The following CDYL variants were observed in gnomAD, a reference collection of about 807,000 sequenced individuals.
CDYL encodes chromodomain Y like, also known as chromodomain Y-like protein.
CDYL carries 8 observed loss-of-function variants against 47.3 expected under a neutral mutation model. The observed-to-expected ratio is 0.17, with a 90% CI of 0.10 to 0.31. The LOEUF (loss-of-function observed/expected upper bound fraction) is 0.31. CDYL is among the 10% of genes least tolerant of loss of function. The probability of loss-of-function intolerance (pLI) is 1.00; values close to 1 mark genes in which losing one functional copy is unlikely to be tolerated. For synonymous variants in CDYL, 266 were observed against 265.0 expected (o/e 1.00, Z -0.04); for missense variants, 471 against 701.4 (o/e 0.67, Z 3.71).
chr6:4,724,784 C>T (rs939726034), intron 2 of CDYL: 1 of 152,126 alleles, frequency 6.6e-6, no homozygotes, highest in Admixed American at 6.5e-5. Flanking sequence ...CTACAACTCA[C>T]AAAAGCAGTG....
chr6:4,909,073 C>G (rs760960741), intron 2 of CDYL, among the ~76,000 whole-genome samples: 1 of 152,204 alleles, frequency 6.6e-6, no homozygotes. Context: ...GGCCCCAGGT[C>G]ATAAGATGGT....
chr6:4,843,775 G>C (rs1311908623), intron 1 of CDYL, among the ~76,000 whole-genome samples: 11 of 151,850 alleles, frequency 7.2e-5, no homozygotes. Flanking sequence ...ACCATTCTCT[G>C]GTGCCTCCTT....
chr6:4,712,630 A>C (rs779523040), intron 1 of CDYL, among the ~76,000 whole-genome samples: 1 of 152,216 alleles, frequency 6.6e-6, no homozygotes, highest in South Asian at 2.1e-4. Flanking sequence ...GATATTCACT[A>C]TCACGTATAC....
At chr6:4,801,717 G>A (rs1311537402) in intron 1 of CDYL, among the ~76,000 whole-genome samples, 2 of 152,054 alleles carry the variant, frequency 1.3e-5, no homozygotes, top group Non-Finnish European at 2.9e-5. Context: ...CTTTATTCTG[G>A]GGATTCCCCT....
intron 1 of CDYL, among the ~76,000 whole-genome samples, chr6:4,852,243 G>T (rs1197083091): frequency 6.6e-6 from 1 of 152,192 alleles, no homozygotes; most frequent in African/African-American, 2.4e-5. Flanking sequence ...TTACCAGGTG[G>T]AACTATTTTG....
At chr6:4,755,352 T>C (rs867942394) in intron 3 of CDYL, among the ~76,000 whole-genome samples, 3 of 152,214 alleles carry the variant, frequency 2.0e-5, no homozygotes, top group Non-Finnish European at 2.9e-5. Flanking sequence ...ATTACAGGCG[T>C]GAGCCACCAC....
chr6:4,907,455 G>A (rs975247961), intron 2 of CDYL, among the ~76,000 whole-genome samples: 2 of 152,092 alleles, frequency 1.3e-5, no homozygotes, highest in South Asian at 4.1e-4. Flanking sequence ...CCCCCTCCCA[G>A]GCTCAGGTGA....
intron 2 of CDYL, among the ~76,000 whole-genome samples, chr6:4,906,593 A>C (rs958418498): frequency 6.6e-6 from 1 of 152,162 alleles, no homozygotes; most frequent in Non-Finnish European, 1.5e-5. Context: ...CGTGATTTGA[A>C]CCACTCTTTT....
intron 1 of CDYL, among the ~76,000 whole-genome samples, chr6:4,861,182 TA>T (rs1761158705): frequency 6.6e-6 from 1 of 152,250 alleles, no homozygotes; most frequent in African/African-American, 2.4e-5. Context: ...ATGGGAAGCC[TA>T]TCTGTGTCCT....
In CDYL at chr6:4,912,916, A is replaced by G. The variant is rs188270854; in HGVS notation, c.691+20537A>G. On this transcript the variant is annotated intron_variant, in intron 2 of 6. Transcript: ENST00000397588. The stretch of plus-strand genomic sequence containing the variant: ...TGCCTCTTAAAGGCCCCTCGTCTCA[A>G]TACTGCCACACTGGGGGTTACATTT... 1.2e-4 allele frequency among the ~76,000 whole-genome samples: 19 copies of G among 152,290 alleles called. No individual in the cohort carries two copies. The East Asian group carries it at 1.4e-3, about 11-fold the overall frequency.
upstream of CDYL, chr6:4,773,196 C>T (rs1196859275): frequency 2.2e-6 from 1 of 457,360 alleles, no homozygotes; most frequent in South Asian, 1.5e-5. This position sits in a 1 kb window ranked among gnomAD's most constrained non-coding sequence, Gnocchi z 4.6. Context: ...TCGTTTATTG[C>T]TGGTAGACGT....
intron 2 of CDYL, among the ~76,000 whole-genome samples, chr6:4,916,596 C>T (rs1037461384): frequency 1.5e-5 from 1 of 65,254 alleles, no homozygotes; most frequent in African/African-American, 5.0e-5. Context: ...GGAAGGGTGA[C>T]CAGATGTATC....
intron 1 of CDYL, among the ~76,000 whole-genome samples, chr6:4,808,328 A>T (rs980640420): frequency 6.6e-6 from 1 of 152,224 alleles, no homozygotes; most frequent in Non-Finnish European, 1.5e-5. Context: ...GTTCCTATTG[A>T]TGAATTCCAT....
At chr6:4,944,685 T>C (rs925731213) in intron 5 of CDYL, among the ~76,000 whole-genome samples, 6 of 152,192 alleles carry the variant, frequency 3.9e-5, no homozygotes, top group African/African-American at 1.2e-4. Context: ...GGAAGAAGAT[T>C]AGGCAGCAAT....
intron 1 of CDYL, among the ~76,000 whole-genome samples, chr6:4,850,393 A>G (rs1217554931): frequency 6.6e-6 from 1 of 152,238 alleles, no homozygotes; most frequent in Non-Finnish European, 1.5e-5. Flanking sequence ...TCAATTAACT[A>G]GAAAAGTCGA....
At chr6:4,800,580 G>A (rs1357086674) in intron 1 of CDYL, among the ~76,000 whole-genome samples, 1 of 151,988 alleles carries the variant, frequency 6.6e-6, no homozygotes, top group Non-Finnish European at 1.5e-5. Context: ...TTTCCATTTG[G>A]ACTAGAGATC....
At chr6:4,758,999 G>A (rs1387208480) in intron 3 of CDYL, among the ~76,000 whole-genome samples, 12 of 133,612 alleles carry the variant, frequency 9.0e-5, no homozygotes, top group Admixed American at 3.3e-4. Flanking sequence ...ATGGAGTCTC[G>A]TTCTGTCTCC....
At chr6:4,910,806 C>T (rs1238470895) in intron 2 of CDYL, among the ~76,000 whole-genome samples, 2 of 151,908 alleles carry the variant, frequency 1.3e-5, no homozygotes, top group East Asian at 3.9e-4. Flanking sequence ...ATGGTTTATA[C>T]ACCTCTAGAC....
intron 1 of CDYL, among the ~76,000 whole-genome samples, chr6:4,794,070 A>G (rs756112882): frequency 6.6e-6 from 1 of 152,124 alleles, no homozygotes; most frequent in Non-Finnish European, 1.5e-5. Context: ...GGAGTTATCC[A>G]TGTAGTACAC....
Sources: gnomAD v4.1 joint callset for allele counts (sites outside exome capture counted in the v4.1 genomes callset) on GRCh38, gnomAD v4.1.1 for gene constraint, Gnocchi (gnomAD v3.1) non-coding constraint, MANE v1.5 for transcripts, NCBI Gene and HGNC (gene_info 2026-07-23, HGNC 2026-07-21) for gene names.